TMEM178B: variants seen among roughly 807,000 people sequenced by gnomAD.
TMEM178B encodes transmembrane protein 178B.
A neutral mutation model predicts 31.0 loss-of-function variants in TMEM178B; 5 were observed. The observed-to-expected ratio is 0.16, with a 90% CI of 0.08 to 0.34. TMEM178B has a LOEUF of 0.34. Ranked by LOEUF, TMEM178B falls within the 10% of genes least tolerant of loss-of-function variation. The pLI is 1.00. For missense variants in TMEM178B, 275 were observed against 400.3 expected (o/e 0.69, Z 2.67); for synonymous variants, 164 against 164.0 (o/e 1.00, Z 0.00).
intron 3 of TMEM178B, among the ~76,000 whole-genome samples, chr7:141,439,701 T>C (rs1364853453): frequency 6.6e-6 from 1 of 152,168 alleles, no homozygotes; most frequent in African/African-American, 2.4e-5. Context: ...TAGAGAGGTC[T>C]CCCAGGAATC....
rs1802434245 is a variant in TMEM178B, at chr7:141,479,391, C to A, written c.*8605C>A. On this transcript the variant is annotated 3_prime_UTR_variant, in exon 4 of 4. Coordinates refer to ENST00000565468, the MANE Select transcript of TMEM178B (RefSeq NM_001195278.2). ...AGTGGCCACAGGCAGACTGGGTCTC[C>A]TAGGAGGTGGTGGTGTTGGTGACAA... The A allele has an allele frequency of 6.6e-6, 1 of 152,084 alleles. No individual in the cohort carries two copies. The allele number at this position is 152,084 out of a possible 1,614,324, so 9.4% of individuals were successfully genotyped here. A position where few individuals can be genotyped will look rare whatever the true frequency, so the allele number is the denominator to read the frequency against.
chr7:141,157,540 C>T (rs768048330), intron 1 of TMEM178B, among the ~76,000 whole-genome samples: 6 of 151,814 alleles, frequency 4.0e-5, no homozygotes, highest in Middle Eastern at 3.4e-3. Context: ...AACAACAACA[C>T]GGAGAGAGGA....
downstream of TMEM178B, among the ~76,000 whole-genome samples, chr7:141,483,532 T>G (rs953037143): frequency 3.7e-4 from 57 of 152,106 alleles, no homozygotes; most frequent in African/African-American, 1.3e-3. Context: ...CCATATAAAT[T>G]GTGCCACTTG....
At chr7:141,212,101 T>G (rs1371763376) in intron 1 of TMEM178B, among the ~76,000 whole-genome samples, 1 of 152,174 alleles carries the variant, frequency 6.6e-6, no homozygotes, top group East Asian at 1.9e-4. Flanking sequence ...ATCTGAGTGC[T>G]TTGTGTTCAG....
At chr7:141,416,931 C>CA (rs1390031801) in intron 2 of TMEM178B, among the ~76,000 whole-genome samples, 14 of 152,212 alleles carry the variant, frequency 9.2e-5, no homozygotes, top group African/African-American at 3.1e-4. Context: ...TGTTTCCAGT[C>CA]ATGTGAGACG....
Position 141,177,847 on chromosome 7 carries a change from G to C in TMEM178B, c.383-34744G>C, listed in dbSNP as rs139726619. 1.3e-3 allele frequency among the ~76,000 whole-genome samples: 204 copies of C among 152,214 alleles called. 4 individuals are homozygous for C. The highest frequency in any genetic ancestry group is 4.5e-3 in the African/African-American group (188 of 41,528). ...AGCCTATATGTGTCTTTGCACATGA[G>C]ATGGATCTCCTGAATACAGCACACT... is the stretch of plus-strand genomic sequence containing the variant. On this transcript the variant is annotated intron_variant, in intron 1 of 3. Transcript: ENST00000565468.
chr7:141,402,776 C>T (rs542706498), intron 2 of TMEM178B, among the ~76,000 whole-genome samples: 2 of 152,042 alleles, frequency 1.3e-5, no homozygotes, highest in East Asian at 3.9e-4. Flanking sequence ...CAAGGTGAGG[C>T]CTGGGGCTGC....
chr7:141,446,953 C>T (rs982439754), intron 3 of TMEM178B, among the ~76,000 whole-genome samples: 2 of 152,136 alleles, frequency 1.3e-5, no homozygotes, highest in Non-Finnish European at 2.9e-5. Context: ...GCCACACAAA[C>T]GCACTACATG....
At chr7:141,227,370 C>T (rs1336120723) in intron 2 of TMEM178B, among the ~76,000 whole-genome samples, 1 of 152,240 alleles carries the variant, frequency 6.6e-6, no homozygotes, top group Non-Finnish European at 1.5e-5. Flanking sequence ...GCAGCAATCC[C>T]TGCCCTCATG....
intron 2 of TMEM178B, among the ~76,000 whole-genome samples, chr7:141,385,409 T>G (rs927539000): frequency 6.6e-5 from 10 of 152,202 alleles, no homozygotes; most frequent in Non-Finnish European, 1.0e-4. Flanking sequence ...CGATGGGGAT[T>G]CTCAGGGATA....
At chr7:141,509,319 CAGA>C in the TMEM178B span, among the ~76,000 whole-genome samples, 4 of 151,936 alleles carry the variant, frequency 2.6e-5, no homozygotes, top group African/African-American at 4.8e-5. Context: ...TAGAAAATTT[CAGA>C]AGAACAAGTG....
the TMEM178B span, among the ~76,000 whole-genome samples, chr7:141,507,823 G>A: frequency 6.6e-6 from 1 of 152,324 alleles, no homozygotes; most frequent in South Asian, 2.1e-4. Context: ...AGGGCACCAA[G>A]TCCCTAGGTT....
chr7:141,199,043 GA>G (rs1390475875), intron 1 of TMEM178B, among the ~76,000 whole-genome samples: 4 of 152,158 alleles, frequency 2.6e-5, no homozygotes, highest in Non-Finnish European at 5.9e-5. Flanking sequence ...GCGAAGTGGG[GA>G]AAAAGCAGCC....
chr7:141,091,678 AT>A (rs1314811764), intron 1 of TMEM178B, among the ~76,000 whole-genome samples: 1 of 152,196 alleles, frequency 6.6e-6, no homozygotes, highest in Non-Finnish European at 1.5e-5. Context: ...TGAGATCCTT[AT>A]TATTTAGAAG....
At chr7:141,465,068 C>G (rs1802126866) in intron 3 of TMEM178B, among the ~76,000 whole-genome samples, 1 of 152,238 alleles carries the variant, frequency 6.6e-6, no homozygotes. Context: ...TGGATCCTCA[C>G]TTATGTATCA....
At chr7:141,326,579 G>T (rs147731417) in intron 2 of TMEM178B, among the ~76,000 whole-genome samples, 1 of 152,172 alleles carries the variant, frequency 6.6e-6, no homozygotes, top group Non-Finnish European at 1.5e-5. Flanking sequence ...CTAAACCAAG[G>T]CTTGGCAAAC....
intron 1 of TMEM178B, among the ~76,000 whole-genome samples, chr7:141,179,017 A>G (rs141283227): frequency 6.6e-6 from 1 of 152,104 alleles, no homozygotes; most frequent in Non-Finnish European, 1.5e-5. Flanking sequence ...ACTTTTGCTT[A>G]GTTGAGGTTG....
At chr7:141,424,024 G>T (rs906165070) in intron 2 of TMEM178B, among the ~76,000 whole-genome samples, 1 of 151,342 alleles carries the variant, frequency 6.6e-6, no homozygotes, top group African/African-American at 2.4e-5. Context: ...CACCATGTTG[G>T]TCAGGCTGGT....
At chr7:141,394,913 C>A (rs892326844) in intron 2 of TMEM178B, among the ~76,000 whole-genome samples, 1 of 152,182 alleles carries the variant, frequency 6.6e-6, no homozygotes, top group Non-Finnish European at 1.5e-5. Context: ...CTTTAAAGTT[C>A]TTGTTCTATG....
Sources: allele counts gnomAD v4.1 joint callset (sites outside exome capture counted in the v4.1 genomes callset), GRCh38; gene constraint gnomAD v4.1.1; transcripts MANE v1.5; gene names NCBI Gene and HGNC (gene_info 2026-07-23, HGNC 2026-07-21).